SYT1: variants seen among roughly 807,000 people sequenced by gnomAD.
SYT1 encodes the protein synaptotagmin-1.
Under a neutral mutation model 44.8 loss-of-function variants are expected in SYT1, and 8 were observed. That is an observed-to-expected ratio of 0.18 (90% CI 0.10 to 0.32). The LOEUF (loss-of-function observed/expected upper bound fraction) is 0.32, where lower values mean the gene tolerates loss of function less well. SYT1 is among the 10% of genes least tolerant of loss of function. SYT1 has a pLI of 1.00. For synonymous variants in SYT1, 154 were observed against 188.8 expected, an observed-to-expected ratio of 0.82 and a Z score of 1.51; for missense variants, 286 against 509.3, an observed-to-expected ratio of 0.56 and a Z score of 4.22.
intron 8 of SYT1, among the ~76,000 whole-genome samples, chr12:79,314,168 C>CAAAAAAAAAAAAA (rs34951756): frequency 1.5e-5 from 1 of 67,286 alleles, no homozygotes; most frequent in African/African-American, 6.3e-5. Context: ...GACTCCGTCT[C>CAAAAAAAAAAAAA]AAAAAAAAAA....
At chr12:79,201,787 T>C (rs920742159) in intron 3 of SYT1, among the ~76,000 whole-genome samples, 2 of 152,158 alleles carry the variant, frequency 1.3e-5, no homozygotes, top group Non-Finnish European at 2.9e-5. Context: ...TGACTTCTAC[T>C]TAAGAATCTT....
At chr12:79,200,272 CAG>C (rs1021117704) in intron 3 of SYT1, among the ~76,000 whole-genome samples, 2 of 152,104 alleles carry the variant, frequency 1.3e-5, no homozygotes, top group African/African-American at 2.4e-5. Flanking sequence ...AAATGTGCTG[CAG>C]AGAGAGGAGC....
intron 1 of SYT1, among the ~76,000 whole-genome samples, chr12:78,931,093 C>T (rs1236790638): frequency 4.7e-5 from 7 of 149,034 alleles, no homozygotes; most frequent in East Asian, 2.0e-4. Context: ...ACCCAGGAGG[C>T]GGAGGATGCA....
intron 3 of SYT1, among the ~76,000 whole-genome samples, chr12:79,127,655 A>G (rs1481838328): frequency 1.3e-5 from 2 of 152,230 alleles, no homozygotes; most frequent in Non-Finnish European, 2.9e-5. Context: ...TAGCAGTTCA[A>G]CATGTCTGTT....
intron 3 of SYT1, among the ~76,000 whole-genome samples, chr12:79,065,354 G>A (rs1875762939): frequency 6.6e-6 from 1 of 152,168 alleles, no homozygotes; most frequent in Non-Finnish European, 1.5e-5. Flanking sequence ...GTGTGCCACT[G>A]CATTCCAGCC....
chr12:79,352,463 AAAAT>A (rs1205101329), intron 8 of SYT1, among the ~76,000 whole-genome samples: 6 of 152,184 alleles, frequency 3.9e-5, no homozygotes, highest in African/African-American at 1.4e-4. Context: ...GGGAAACACT[AAAAT>A]AAGTCTTGAT....
At chr12:79,431,492 T>C (rs149942164) in intron 9 of SYT1, among the ~76,000 whole-genome samples, 231 of 149,646 alleles carry the variant, frequency 1.5e-3, no homozygotes, top group African/African-American at 5.3e-3. Flanking sequence ...ATTAAAGCCA[T>C]AGTTTATTTT....
intron 1 of SYT1, among the ~76,000 whole-genome samples, chr12:78,949,547 T>G (rs906373374): frequency 1.3e-5 from 2 of 151,902 alleles, no homozygotes; most frequent in African/African-American, 4.8e-5. Flanking sequence ...ATAATTCACT[T>G]TGAAGTATCT....
At chr12:79,368,232 A>AT (rs1565928591) in intron 9 of SYT1, among the ~76,000 whole-genome samples, 1 of 151,906 alleles carries the variant, frequency 6.6e-6, no homozygotes, top group Admixed American at 6.6e-5. Flanking sequence ...TGAACTCATC[A>AT]TTTTTTATGG....
intron 2 of SYT1, among the ~76,000 whole-genome samples, chr12:79,043,173 G>T (rs915352659): frequency 6.7e-6 from 1 of 150,194 alleles, no homozygotes; most frequent in South Asian, 2.1e-4. Context: ...TCAATTCCTG[G>T]GTATCCTTGT....
chr12:79,065,180 C>T (rs982886338), intron 3 of SYT1, among the ~76,000 whole-genome samples: 41 of 152,134 alleles, frequency 2.7e-4, no homozygotes, highest in African/African-American at 9.9e-4. Flanking sequence ...TGAGATCAGC[C>T]TGGGCAACAT....
At chr12:79,298,973 G>A (rs1400455530) in intron 7 of SYT1, among the ~76,000 whole-genome samples, 1 of 152,056 alleles carries the variant, frequency 6.6e-6, no homozygotes, top group Non-Finnish European at 1.5e-5. Flanking sequence ...TTTGAAATAA[G>A]TTATTTGCCC....
intron 1 of SYT1, among the ~76,000 whole-genome samples, chr12:78,973,925 AAAAAAAAAAAAAAATATAT>A (rs1868568636): frequency 2.9e-4 from 9 of 31,202 alleles, no homozygotes; most frequent in Admixed American, 9.3e-4. Context: ...CCAAAAAAAA[AAAAAAAAAAAAAAATATAT>A]ATATATATAT....
intron 3 of SYT1, among the ~76,000 whole-genome samples, chr12:79,067,002 C>T (rs1351799374): frequency 2.0e-5 from 3 of 152,084 alleles, no homozygotes; most frequent in East Asian, 3.9e-4. Context: ...TATACATTGC[C>T]TTGATGCAGT....
At chr12:79,203,033 A>G (rs1488246537) in intron 3 of SYT1, among the ~76,000 whole-genome samples, 5 of 152,176 alleles carry the variant, frequency 3.3e-5, no homozygotes, top group African/African-American at 1.2e-4. Flanking sequence ...ATGTAGGTAA[A>G]GAGTATTAGC....
In SYT1 at chr12:79,107,524, A is replaced by G. The variant is rs970439052; in HGVS notation, c.-18+60162A>G. On this transcript the variant is annotated intron_variant, in intron 3 of 10. Coordinates refer to ENST00000261205, the MANE Select transcript of SYT1 (RefSeq NM_005639.3). ...TCCAGAAGTTTAAAAAATGTTGTCA[A>G]TGAATTTGATAAAGTTTAATATTCA... 4.6e-5 allele frequency among the ~76,000 whole-genome samples: 7 copies of G among 152,014 alleles called. No individual in the cohort carries two copies. The East Asian group carries it at 9.6e-4, about 21-fold the overall frequency.
intron 8 of SYT1, among the ~76,000 whole-genome samples, chr12:79,336,114 A>T (rs558948337): frequency 3.3e-5 from 5 of 152,276 alleles, no homozygotes; most frequent in African/African-American, 1.2e-4. Context: ...AGCCTACAAA[A>T]TATATCCATT....
intron 3 of SYT1, among the ~76,000 whole-genome samples, chr12:79,069,442 A>G (rs1876111066): frequency 6.6e-6 from 1 of 151,962 alleles, no homozygotes; most frequent in Non-Finnish European, 1.5e-5. Context: ...TTTTCAGAAC[A>G]TATGTTCTTT....
intron 1 of SYT1, among the ~76,000 whole-genome samples, chr12:78,894,422 C>T (rs1875241491): frequency 8.0e-6 from 1 of 125,426 alleles, no homozygotes; most frequent in African/African-American, 2.9e-5. Context: ...CTGGCAGAGA[C>T]TTGTACCCAA....
Sources: allele counts gnomAD v4.1 joint callset (sites outside exome capture counted in the v4.1 genomes callset), GRCh38; gene constraint gnomAD v4.1.1; transcripts MANE v1.5; gene names NCBI Gene and HGNC (gene_info 2026-07-23, HGNC 2026-07-21).